The following CTNNA3 variants were observed in gnomAD, a reference collection of about 807,000 sequenced individuals.
CTNNA3 encodes the protein catenin alpha-3.
In CTNNA3, 76 loss-of-function variants were observed where a neutral mutation model predicts 95.7. The ratio of observed to expected loss-of-function variants is 0.79; its 90% CI spans 0.66 to 0.96. The LOEUF (loss-of-function observed/expected upper bound fraction) is 0.96. Among genes scored for constraint, CTNNA3 ranks in the 40% least tolerant of loss-of-function variants. The pLI, the probability that CTNNA3 is intolerant of heterozygous loss-of-function variation, is 0.00. For synonymous variants in CTNNA3, 431 were observed against 374.4 expected (o/e 1.15, Z -1.74); for missense variants, 1,191 against 1,089.8 (o/e 1.09, Z -1.31).
At chr10:66,706,172 T>A (rs1354775034) in intron 9 of CTNNA3, among the ~76,000 whole-genome samples, 1 of 152,004 alleles carries the variant, frequency 6.6e-6, no homozygotes, top group Admixed American at 6.6e-5. Context: ...CAAAAAACAA[T>A]GGAAATTCTT....
At chr10:67,348,069 C>T (rs1842499781) in intron 5 of CTNNA3, among the ~76,000 whole-genome samples, 1 of 152,104 alleles carries the variant, frequency 6.6e-6, no homozygotes, top group East Asian at 1.9e-4. Context: ...AGGATAGTCT[C>T]TTCAACAAAT....
chr10:66,221,986 G>T (rs2088957896), intron 13 of CTNNA3, among the ~76,000 whole-genome samples: 1 of 152,128 alleles, frequency 6.6e-6, no homozygotes, highest in Non-Finnish European at 1.5e-5. Context: ...ACAGAAAAGG[G>T]CCTTGCATTT....
intron 10 of CTNNA3, among the ~76,000 whole-genome samples, chr10:66,566,865 T>C (rs1291996041): frequency 6.6e-6 from 1 of 151,558 alleles, no homozygotes; most frequent in African/African-American, 2.4e-5. Context: ...ATCACAGATT[T>C]CTGCTTTACT....
At position 66,812,295 on chromosome 10, in the gene CTNNA3, T is replaced by C. The variant is rs139975610; in HGVS notation, c.1048-36771A>G. Among the ~76,000 whole-genome samples, 329 of 152,284 alleles carry C rather than the reference T, an allele frequency of 2.2e-3. 3 individuals carry two copies. The highest frequency in any genetic ancestry group is 7.6e-3 in the African/African-American group (318 of 41,572). ...GAAAGGAAAATATCTATAAATTATA[T>C]ATAAACATATCTTAGAAAGATGTCT... On this transcript the variant is annotated intron_variant, in intron 7 of 17. Transcript: ENST00000433211.
At position 66,320,576 on chromosome 10, in the gene CTNNA3, G is replaced by A. The variant is rs2092167991; in HGVS notation, c.1733-39955C>T. 2.0e-5 allele frequency among the ~76,000 whole-genome samples: 3 copies of A among 152,056 alleles called. 1 individual carries two copies. Among genetic ancestry groups the A allele is most frequent in the Non-Finnish European group, 4.4e-5 (3 of 67,964 alleles). ...CCCTGAGGAGCATGACACATTGACA[G>A]GTTGGCTGTCTTCGTATCACTAGGA... is the stretch of plus-strand genomic sequence containing the variant. On this transcript the variant is annotated intron_variant, in intron 12 of 17. Coordinates refer to ENST00000433211, the MANE Select transcript of CTNNA3 (RefSeq NM_013266.4).
rs73307082 is a variant in CTNNA3 at position 66,772,553 on chromosome 10, A to G, written c.1128+2891T>C. Among the ~76,000 whole-genome samples, 1,285 of 152,298 alleles carry G rather than the reference A, an allele frequency of 8.4e-3. 17 individuals are homozygous for G. Among genetic ancestry groups the G allele is most frequent in the African/African-American group, 0.029 (1,206 of 41,574 alleles). On this transcript the variant is annotated intron_variant, in intron 8 of 17. Coordinates refer to ENST00000433211, the MANE Select transcript of CTNNA3 (RefSeq NM_013266.4). ...CATTAAGAATAATGGGGATTAAGTC[A>G]GGGCCAAATCACAGAGAACCTAGAA... is the stretch of plus-strand genomic sequence containing the variant.
At chr10:67,669,706 A>T (rs1840396087) in intron 1 of CTNNA3, among the ~76,000 whole-genome samples, 1 of 152,232 alleles carries the variant, frequency 6.6e-6, no homozygotes, top group Non-Finnish European at 1.5e-5. Context: ...TTGTGGAAAG[A>T]TACTTTTCTC....
intron 5 of CTNNA3, among the ~76,000 whole-genome samples, chr10:67,332,971 T>G (rs572799100): frequency 8.4e-4 from 128 of 152,260 alleles, no homozygotes; most frequent in African/African-American, 3.0e-3. Context: ...CCCCTATGAT[T>G]CACACAGTCA....
chr10:67,217,083 C>T (rs1864404665), intron 6 of CTNNA3, among the ~76,000 whole-genome samples: 2 of 152,196 alleles, frequency 1.3e-5, no homozygotes, highest in Non-Finnish European at 2.9e-5. Context: ...AAAGCTTCAG[C>T]ATGGTTGTTG....
At chr10:66,498,397 A>T (rs1840168559) in intron 11 of CTNNA3, among the ~76,000 whole-genome samples, 1 of 152,138 alleles carries the variant, frequency 6.6e-6, no homozygotes, top group African/African-American at 2.4e-5. Flanking sequence ...GCCAGGTTAT[A>T]TTAACAGTGT....
chr10:67,272,993 T>C (rs554303777), intron 5 of CTNNA3, among the ~76,000 whole-genome samples: 1 of 152,270 alleles, frequency 6.6e-6, no homozygotes, highest in South Asian at 2.1e-4. Flanking sequence ...CTCTCTCACA[T>C]AAAGTCCCAT....
chr10:66,927,761 G>A lies in CTNNA3; in HGVS notation c.1048-152237C>T. 1.2e-6 allele frequency: 2 copies of A among 1,614,150 alleles called. No homozygotes were observed. Among genetic ancestry groups the A allele is most frequent in the Non-Finnish European group, 1.7e-6 (2 of 1,180,032 alleles). On this transcript the variant is annotated intron_variant, in intron 7 of 17. Coordinates refer to ENST00000433211, the MANE Select transcript of CTNNA3 (RefSeq NM_013266.4). The surrounding 1 kb of genome is among the most constrained non-coding windows in gnomAD (Gnocchi z 4.7). ...TTCCAGTGTGTCCCGAATCTGCAGC[G>A]CCTCAACCTGGATTCCAACAAGCTC...
At chr10:66,851,915 A>ACTC (rs1385969099) in intron 7 of CTNNA3, among the ~76,000 whole-genome samples, 1 of 151,954 alleles carries the variant, frequency 6.6e-6, no homozygotes, top group Non-Finnish European at 1.5e-5. Context: ...CTCAAGTCTC[A>ACTC]CTCCATGCTT....
chr10:66,724,713 G>T (rs150536091), intron 9 of CTNNA3, among the ~76,000 whole-genome samples: 8 of 152,274 alleles, frequency 5.3e-5, no homozygotes, highest in African/African-American at 1.7e-4. Context: ...TTTGGAAAGA[G>T]AAGTTAAAAT....
chr10:65,927,335 T>A (rs889015355), intron 17 of CTNNA3, among the ~76,000 whole-genome samples: 1 of 152,222 alleles, frequency 6.6e-6, no homozygotes, highest in Non-Finnish European at 1.5e-5. Context: ...ATGCTTTGTT[T>A]ATGACGTATA....
At chr10:66,793,296 C>A (rs1391572797) in intron 7 of CTNNA3, among the ~76,000 whole-genome samples, 1 of 152,022 alleles carries the variant, frequency 6.6e-6, no homozygotes, top group South Asian at 2.1e-4. Flanking sequence ...TGCACATCAC[C>A]ACACCCAGAA....
At chr10:66,687,220 T>C (rs529899205) in intron 9 of CTNNA3, among the ~76,000 whole-genome samples, 2 of 152,116 alleles carry the variant, frequency 1.3e-5, no homozygotes, top group Non-Finnish European at 2.9e-5. Flanking sequence ...AATATATACA[T>C]AAATGATGCA....
chr10:67,138,636 C>T (rs1057247901), intron 7 of CTNNA3, among the ~76,000 whole-genome samples: 1 of 152,202 alleles, frequency 6.6e-6, no homozygotes, highest in African/African-American at 2.4e-5. Context: ...TCGTACAGCA[C>T]TCCTCTTCTA....
chr10:66,027,111 T>A (rs1260373216), intron 15 of CTNNA3, among the ~76,000 whole-genome samples: 1 of 152,254 alleles, frequency 6.6e-6, no homozygotes, highest in African/African-American at 2.4e-5. Flanking sequence ...AAGAAAATAA[T>A]TGCAATGTGA....
Sources: allele counts gnomAD v4.1 joint callset (sites outside exome capture counted in the v4.1 genomes callset), GRCh38; gene constraint gnomAD v4.1.1; non-coding constraint Gnocchi (gnomAD v3.1); transcripts MANE v1.5; gene names NCBI Gene and HGNC (gene_info 2026-07-23, HGNC 2026-07-21).